The following TRPC4 variants were observed in gnomAD, a reference collection of about 807,000 sequenced individuals.
TRPC4 encodes the protein short transient receptor potential channel 4.
Under a neutral mutation model 99.4 loss-of-function variants are expected in TRPC4, and 49 were observed. That is an observed-to-expected ratio of 0.49 (90% CI 0.39 to 0.63). TRPC4 has a LOEUF of 0.63. Ranked by LOEUF, TRPC4 falls within the 20% of genes least tolerant of loss-of-function variation. The pLI is 0.00. For synonymous variants in TRPC4, 454 were observed against 425.9 expected (o/e 1.07, Z -0.81); for missense variants, 898 against 1,152.9 (o/e 0.78, Z 3.20).
At chr13:37,670,344 T>C (rs1952797564) in intron 5 of TRPC4, among the ~76,000 whole-genome samples, 1 of 152,184 alleles carries the variant, frequency 6.6e-6, no homozygotes, top group Non-Finnish European at 1.5e-5. Context: ...TCTTTTTTTG[T>C]AGGATGATAC....
At position 37,836,299 on chromosome 13, in the gene TRPC4, A is replaced by G. The variant is rs146618943; in HGVS notation, c.-28+33296T>C. 6.1e-3 allele frequency among the ~76,000 whole-genome samples: 936 copies of G among 152,296 alleles called. 7 individuals are homozygous for G. Among genetic ancestry groups the G allele is most frequent in the African/African-American group, 0.022 (894 of 41,560 alleles). ...GGTACCAAGAATGAGACACTGCTGA[A>G]AACGTACTTGAAAATGTGGAAGCAA... On this transcript the variant is annotated intron_variant, in intron 1 of 10. Coordinates refer to ENST00000379705, the MANE Select transcript of TRPC4 (RefSeq NM_016179.4).
intron 3 of TRPC4, among the ~76,000 whole-genome samples, chr13:37,713,545 G>A (rs1448189185): frequency 3.3e-5 from 5 of 152,144 alleles, no homozygotes; most frequent in African/African-American, 1.2e-4. Context: ...AAGAAAGATA[G>A]CTGTTTCCAC....
At chr13:37,852,869 C>A (rs987413118) in intron 1 of TRPC4, among the ~76,000 whole-genome samples, 1 of 152,156 alleles carries the variant, frequency 6.6e-6, no homozygotes, top group African/African-American at 2.4e-5. Context: ...CCAGATGAAG[C>A]TCCTTTGCCT....
At chr13:37,852,715 C>G (rs1433120104) in intron 1 of TRPC4, among the ~76,000 whole-genome samples, 1 of 152,112 alleles carries the variant, frequency 6.6e-6, no homozygotes, top group Non-Finnish European at 1.5e-5. Flanking sequence ...CTGTCCTGGG[C>G]CAGAAGGGAG....
intron 1 of TRPC4, among the ~76,000 whole-genome samples, chr13:37,797,657 G>A (rs750323970): frequency 6.6e-6 from 1 of 152,090 alleles, no homozygotes; most frequent in Non-Finnish European, 1.5e-5. Flanking sequence ...CATCAGTTAT[G>A]CAAATCAAAG....
At chr13:37,736,377 C>A (rs1208506348) in intron 3 of TRPC4, among the ~76,000 whole-genome samples, 1 of 152,154 alleles carries the variant, frequency 6.6e-6, no homozygotes, top group Admixed American at 6.6e-5. Flanking sequence ...AACTTAGCTA[C>A]AGGAATTCTG....
At chr13:37,768,542 T>TCAGA (rs1956455672) in intron 2 of TRPC4, among the ~76,000 whole-genome samples, 1 of 151,418 alleles carries the variant, frequency 6.6e-6, no homozygotes, top group Non-Finnish European at 1.5e-5. Context: ...TTTTCTCTAT[T>TCAGA]GAACTCAAGT....
At chr13:37,824,118 A>AT (rs1163483265) in intron 1 of TRPC4, among the ~76,000 whole-genome samples, 3 of 149,494 alleles carry the variant, frequency 2.0e-5, no homozygotes, top group African/African-American at 7.4e-5. Flanking sequence ...TTGTACATTG[A>AT]TTTTGTATCC....
At chr13:37,639,402 A>T in intron 8 of TRPC4, 103 bp from the exon 9 acceptor site, 1 of 1,276,562 alleles carries the variant, frequency 7.8e-7, no homozygotes, top group Non-Finnish European at 1.1e-6. Context: ...TTATTTCTTC[A>T]AAGTGGGAGT....
At chr13:37,855,961 C>T (rs1593327333) in intron 1 of TRPC4, among the ~76,000 whole-genome samples, 1 of 151,438 alleles carries the variant, frequency 6.6e-6, no homozygotes, top group South Asian at 2.1e-4. Flanking sequence ...TTTAAGGATG[C>T]TTCTTACAGA....
At chr13:37,697,774 A>G (rs1216926079) in intron 3 of TRPC4, among the ~76,000 whole-genome samples, 1 of 152,334 alleles carries the variant, frequency 6.6e-6, no homozygotes, top group East Asian at 1.9e-4. Flanking sequence ...CATGATTCCT[A>G]TGAATGTTAA....
At chr13:37,852,954 A>G (rs557941733) in intron 1 of TRPC4, among the ~76,000 whole-genome samples, 1 of 152,270 alleles carries the variant, frequency 6.6e-6, no homozygotes, top group African/African-American at 2.4e-5. Context: ...GTAGAATGGA[A>G]CATCAGGCAA....
At chr13:37,786,101 C>T (rs1027634215) in intron 1 of TRPC4, among the ~76,000 whole-genome samples, 2 of 151,922 alleles carry the variant, frequency 1.3e-5, no homozygotes, top group African/African-American at 4.8e-5. Flanking sequence ...AGAATGAAAG[C>T]ATTGGTGCTG....
In TRPC4 at chr13:37,636,870, T is replaced by G; in HGVS notation, c.*33A>C. Reference sequence around the variant, plus strand: ...CACCCAGAGCACTACGGAAAATACGTATGTGTATGGTAAACGCTTCCTCCT... The same window carrying G: ...CACCCAGAGCACTACGGAAAATACGGATGTGTATGGTAAACGCTTCCTCCT... On this transcript the variant is annotated 3_prime_UTR_variant, in exon 11 of 11. Coordinates refer to ENST00000379705, the MANE Select transcript of TRPC4 (RefSeq NM_016179.4). 1 of 1,579,492 alleles carries G rather than the reference T, an allele frequency of 6.3e-7. No homozygotes were observed. Among genetic ancestry groups the G allele is most frequent in the Non-Finnish European group, 8.6e-7 (1 of 1,163,276 alleles).
chr13:37,821,554 T>C (rs1226287339), intron 1 of TRPC4, among the ~76,000 whole-genome samples: 1 of 152,152 alleles, frequency 6.6e-6, no homozygotes, highest in Non-Finnish European at 1.5e-5. Flanking sequence ...ATTGCTTGAC[T>C]TCAAACTATA....
intron 5 of TRPC4, among the ~76,000 whole-genome samples, chr13:37,664,317 T>C (rs552172202): frequency 6.6e-6 from 1 of 152,316 alleles, no homozygotes; most frequent in East Asian, 1.9e-4. Context: ...CTGATGCCTG[T>C]AATCCCAGCA....
intron 2 of TRPC4, among the ~76,000 whole-genome samples, chr13:37,752,049 A>G (rs1222512184): frequency 7.4e-6 from 1 of 135,940 alleles, no homozygotes; most frequent in African/African-American, 2.6e-5. Context: ...CTTCACATTG[A>G]TACCAAAACC....
chr13:37,776,246 T>C (rs1012449483), intron 2 of TRPC4, among the ~76,000 whole-genome samples: 2 of 151,864 alleles, frequency 1.3e-5, no homozygotes, highest in South Asian at 4.1e-4. Context: ...TTGACTACAT[T>C]GAAAATATCA....
chr13:37,671,508 A>T (rs578237948), intron 5 of TRPC4, among the ~76,000 whole-genome samples: 9 of 152,204 alleles, frequency 5.9e-5, no homozygotes, highest in African/African-American at 2.2e-4. Context: ...GAGGAGACAC[A>T]TTAAAGATCT....
Sources: allele counts gnomAD v4.1 joint callset (sites outside exome capture counted in the v4.1 genomes callset), GRCh38; gene constraint gnomAD v4.1.1; transcripts MANE v1.5; gene names NCBI Gene and HGNC (gene_info 2026-07-23, HGNC 2026-07-21).